The following NCAM2 variants were observed in gnomAD, a reference collection of about 807,000 sequenced individuals.
NCAM2 encodes the protein N-CAM-2.
A neutral mutation model predicts 98.1 loss-of-function variants in NCAM2; 30 were observed. The ratio of observed to expected loss-of-function variants is 0.31; its 90% CI spans 0.23 to 0.41. The LOEUF is 0.41. NCAM2 is among the 10% of genes least tolerant of loss of function. The pLI, the probability that NCAM2 is intolerant of heterozygous loss-of-function variation, is 1.00. For synonymous variants in NCAM2, 368 were observed against 342.4 expected (o/e 1.07, Z -0.83); for missense variants, 867 against 1,005.8 (o/e 0.86, Z 1.87).
chr21:21,400,008 GA>G lies in NCAM2; in HGVS notation c.1196-10258del, dbSNP rs368821315. On this transcript the variant is annotated intron_variant, in intron 9 of 17. Coordinates refer to ENST00000400546, the MANE Select transcript of NCAM2 (RefSeq NM_004540.5). ...AGTTCACCTCTAAATCTCAGAATAAGAAAAAAAAGAGGCAGGGAGGGGGCAT... is the reference window on the plus strand; with the variant it reads ...AGTTCACCTCTAAATCTCAGAATAAGAAAAAAAGAGGCAGGGAGGGGGCAT... Among the ~76,000 whole-genome samples the G allele has an allele frequency of 6.9e-3, 1,039 of 151,504 alleles. 13 individuals are homozygous for G. Among genetic ancestry groups the G allele is most frequent in the African/African-American group, 0.023 (964 of 41,330 alleles).
At position 21,307,062 on chromosome 21, in the gene NCAM2, G is replaced by A. The variant is rs555597097; in HGVS notation, c.619+14821G>A. ...AGTGGGTTTTTGTAGGATGTGTACA[G>A]TTGTGGTTTTTTAATCCATTCTGAC... On this transcript the variant is annotated intron_variant, in intron 5 of 17. Coordinates refer to ENST00000400546, the MANE Select transcript of NCAM2 (RefSeq NM_004540.5). Among the ~76,000 whole-genome samples the A allele has an allele frequency of 1.3e-3, 4 of 3,092 alleles. No homozygotes were observed. In the East Asian group the frequency reaches 0.036, roughly 28 times the overall value. The allele number at this position is 3,092 out of a possible 152,430, so 2.0% of individuals were successfully genotyped here.
At chr21:21,418,095 A>G (rs955965212) in intron 10 of NCAM2, among the ~76,000 whole-genome samples, 2 of 135,122 alleles carry the variant, frequency 1.5e-5, no homozygotes, top group Non-Finnish European at 3.2e-5. Context: ...CTATAGATAC[A>G]TATATATATA....
At chr21:21,355,735 C>T (rs982117979) in intron 8 of NCAM2, among the ~76,000 whole-genome samples, 1 of 151,678 alleles carries the variant, frequency 6.6e-6, no homozygotes, top group Non-Finnish European at 1.5e-5. Context: ...CCTGACATAG[C>T]CTCCGGAGTA....
Position 21,086,931 on chromosome 21 carries a change from CT to C in NCAM2, c.55+88324del, listed in dbSNP as rs377452899. Among the ~76,000 whole-genome samples the C allele has an allele frequency of 1.3e-3, 188 of 144,162 alleles. 1 individual carries two copies. The highest frequency in any genetic ancestry group is 9.2e-3 in the South Asian group (42 of 4,570). The allele number at this position is 144,162 out of a possible 152,430, so 94.6% of individuals were successfully genotyped here. On this transcript the variant is annotated intron_variant, in intron 1 of 17. Coordinates refer to ENST00000400546, the MANE Select transcript of NCAM2 (RefSeq NM_004540.5). ...AGGATTTTTTCAAATTGAATTTCAT[CT>C]TTTTTTTTTTACAAATACAGAAATA...
intron 1 of NCAM2, among the ~76,000 whole-genome samples, chr21:21,163,492 G>T (rs994178364): frequency 1.3e-5 from 2 of 151,876 alleles, no homozygotes; most frequent in African/African-American, 4.8e-5. Context: ...TTTTGCTGAG[G>T]TTATTATTTA....
chr21:21,372,023 G>A (rs1317056466), intron 8 of NCAM2, among the ~76,000 whole-genome samples: 1 of 151,632 alleles, frequency 6.6e-6, no homozygotes, highest in African/African-American at 2.4e-5. Context: ...TGGAATACTG[G>A]CCACCTCAAA....
intron 1 of NCAM2, among the ~76,000 whole-genome samples, chr21:21,072,156 C>A (rs2146368741): frequency 6.6e-6 from 1 of 152,238 alleles, no homozygotes; most frequent in Non-Finnish European, 1.5e-5. Flanking sequence ...TTGCGATCCT[C>A]CCGTTTCGGC....
chr21:21,287,080 T>C (rs1301077307), intron 4 of NCAM2, among the ~76,000 whole-genome samples: 1 of 152,014 alleles, frequency 6.6e-6, no homozygotes, highest in Non-Finnish European at 1.5e-5. Flanking sequence ...AATTTCAGAA[T>C]AATATGACAT....
intron 1 of NCAM2, among the ~76,000 whole-genome samples, chr21:21,050,303 G>T (rs1439379028): frequency 1.3e-5 from 2 of 152,184 alleles, no homozygotes; most frequent in East Asian, 3.9e-4. Context: ...TGTAGTTCAA[G>T]TATGCCAAAA....
At chr21:21,174,894 G>A (rs2068233400) in intron 1 of NCAM2, among the ~76,000 whole-genome samples, 1 of 152,074 alleles carries the variant, frequency 6.6e-6, no homozygotes, top group Non-Finnish European at 1.5e-5. Flanking sequence ...AGATAGTCAT[G>A]TCCAAAGCTA....
chr21:21,070,347 AAAAAT>A (rs1371781020), intron 1 of NCAM2, among the ~76,000 whole-genome samples: 10 of 150,548 alleles, frequency 6.6e-5, no homozygotes, highest in Non-Finnish European at 1.5e-5. Context: ...AGAAGATAGA[AAAAAT>A]AAATTGTTAA....
chr21:21,395,629 G>A (rs946182377), intron 9 of NCAM2, among the ~76,000 whole-genome samples: 6 of 152,080 alleles, frequency 3.9e-5, no homozygotes, highest in Non-Finnish European at 4.4e-5. Context: ...TATACTATAA[G>A]GCTATAGTCA....
intron 1 of NCAM2, among the ~76,000 whole-genome samples, chr21:21,115,069 C>T (rs982756099): frequency 1.3e-5 from 2 of 152,144 alleles, no homozygotes; most frequent in African/African-American, 4.8e-5. Flanking sequence ...AATCTGCCTG[C>T]CTCAGCCTCC....
intron 15 of NCAM2, among the ~76,000 whole-genome samples, chr21:21,492,787 GAAAC>G (rs1019441791): frequency 1.3e-5 from 2 of 151,818 alleles, no homozygotes; most frequent in Non-Finnish European, 2.9e-5. Flanking sequence ...ATTACAAAGA[GAAAC>G]AAAATGTTAA....
At chr21:21,263,623 A>G (rs941427849) in intron 1 of NCAM2, among the ~76,000 whole-genome samples, 11 of 152,146 alleles carry the variant, frequency 7.2e-5, no homozygotes, top group Non-Finnish European at 1.3e-4. Context: ...ACAAGAATAT[A>G]TAACAAAAAC....
At chr21:21,324,280 T>A in intron 5 of NCAM2, 103 bp from the exon 6 acceptor site, 1 of 734,772 alleles carries the variant, frequency 1.4e-6, no homozygotes, top group Non-Finnish European at 2.2e-6. Context: ...AATGGAGATG[T>A]GAAGGATGAC....
chr21:21,349,271 T>C (rs1452899680), intron 8 of NCAM2, among the ~76,000 whole-genome samples: 2 of 152,070 alleles, frequency 1.3e-5, no homozygotes, highest in Non-Finnish European at 2.9e-5. Flanking sequence ...GGCAAAAGAT[T>C]TGAATACACA....
chr21:21,308,073 A>ACG (rs772021722), intron 5 of NCAM2, among the ~76,000 whole-genome samples: 29 of 151,450 alleles, frequency 1.9e-4, no homozygotes, highest in Non-Finnish European at 3.8e-4. Context: ...ACACACATAC[A>ACG]CACACACACA....
intron 1 of NCAM2, among the ~76,000 whole-genome samples, chr21:21,130,559 C>A (rs770830155): frequency 6.6e-6 from 1 of 151,948 alleles, no homozygotes; most frequent in Admixed American, 6.6e-5. Context: ...ACACTAATTC[C>A]GATAGATTAT....
Sources: allele counts gnomAD v4.1 joint callset (sites outside exome capture counted in the v4.1 genomes callset), GRCh38; gene constraint gnomAD v4.1.1; transcripts MANE v1.5; gene names NCBI Gene and HGNC (gene_info 2026-07-23, HGNC 2026-07-21).